The following ME3 variants were observed in gnomAD, a reference collection of about 807,000 sequenced individuals.
ME3 encodes the protein NADP-dependent malic enzyme, mitochondrial.
ME3 carries 48 observed loss-of-function variants against 68.9 expected under a neutral mutation model. That is an observed-to-expected ratio of 0.70 (90% CI 0.55 to 0.89). The LOEUF is 0.89. ME3 is among the 40% of genes least tolerant of loss of function. The pLI, the probability that ME3 is intolerant of heterozygous loss-of-function variation, is 0.00. For missense variants in ME3, 675 were observed against 797.4 expected (o/e 0.85, Z 1.85); for synonymous variants, 320 against 318.8 (o/e 1.00, Z -0.04).
intron 5 of ME3, among the ~76,000 whole-genome samples, chr11:86,502,458 A>C (rs1020347632): frequency 6.6e-6 from 1 of 152,210 alleles, no homozygotes; most frequent in Non-Finnish European, 1.5e-5. Flanking sequence ...TGTGATACAC[A>C]CTCACAAATG....
At chr11:86,447,015 A>G (rs2138603608) in intron 12 of ME3, 50 bp downstream of exon 12, 2 of 1,594,658 alleles carry the variant, frequency 1.3e-6, no homozygotes, top group African/African-American at 1.3e-5. Flanking sequence ...TACTCATTGT[A>G]ATTGTTACTA....
chr11:86,648,869 C>G (rs1466373518), intron 2 of ME3, among the ~76,000 whole-genome samples: 2 of 152,168 alleles, frequency 1.3e-5, no homozygotes, highest in Non-Finnish European at 2.9e-5. Context: ...GGCGGATTCA[C>G]AGCCAAATTC....
At chr11:86,511,256 A>G (rs947566177) in intron 4 of ME3, among the ~76,000 whole-genome samples, 1 of 152,212 alleles carries the variant, frequency 6.6e-6, no homozygotes, top group Non-Finnish European at 1.5e-5. Flanking sequence ...TGTGCTAAAA[A>G]TAGAATAAAG....
At chr11:86,466,761 G>A (rs1467199725) in intron 7 of ME3, among the ~76,000 whole-genome samples, 1 of 152,220 alleles carries the variant, frequency 6.6e-6, no homozygotes, top group Non-Finnish European at 1.5e-5. Context: ...TAGAAGGACT[G>A]GGAGATGGAT....
chr11:86,524,315 C>A (rs1954564365), intron 4 of ME3, among the ~76,000 whole-genome samples: 1 of 152,178 alleles, frequency 6.6e-6, no homozygotes, highest in Non-Finnish European at 1.5e-5. Flanking sequence ...GAGGCGCAGC[C>A]AATGAGTCAT....
intron 4 of ME3, among the ~76,000 whole-genome samples, chr11:86,513,780 AG>A (rs1420085204): frequency 3.3e-5 from 5 of 152,184 alleles, no homozygotes; most frequent in Non-Finnish European, 5.9e-5. Flanking sequence ...CTGCATCTAA[AG>A]CAGCTCAGAG....
chr11:86,435,645 C>A, the ME3 span: 3 of 152,242 alleles, frequency 2.0e-5, no homozygotes, highest in African/African-American at 7.2e-5. Context: ...GAAATAGACA[C>A]TGAATCTGAG....
rs563738961 is a variant in ME3, at chr11:86,617,045, G to GTTTTTTTTTTTT, written c.183+54705_183+54716dup. 3.4e-4 allele frequency among the ~76,000 whole-genome samples: 19 copies of GTTTTTTTTTTTT among 56,320 alleles called. 2 individuals are homozygous for GTTTTTTTTTTTT. The highest frequency in any genetic ancestry group is 1.4e-3 in the Admixed American group (4 of 2,886). The allele number at this position is 56,320 out of a possible 152,430, so 36.9% of individuals were successfully genotyped here. A position where few individuals can be genotyped will look rare whatever the true frequency, so the allele number is the denominator to read the frequency against. On this transcript the variant is annotated intron_variant, in intron 2 of 14. Coordinates refer to ENST00000543262, the Ensembl canonical transcript of ME3. ...ACATCTAAAATACTCCAAGATAGTA[G>GTTTTTTTTTTTT]TTTTTTTTTTTTTTTTTTTTTTTTT... is the stretch of plus-strand genomic sequence containing the variant.
At chr11:86,646,434 G>C (rs1945018925) in intron 2 of ME3, among the ~76,000 whole-genome samples, 1 of 152,156 alleles carries the variant, frequency 6.6e-6, no homozygotes, top group Non-Finnish European at 1.5e-5. Flanking sequence ...AATCAATCAA[G>C]TGGAATAAAG....
intron 2 of ME3, among the ~76,000 whole-genome samples, chr11:86,576,110 A>G (rs1958093177): frequency 6.6e-6 from 1 of 152,232 alleles, no homozygotes; most frequent in African/African-American, 2.4e-5. Context: ...AGATATGCCA[A>G]GTCTTCACCA....
At chr11:86,547,711 AAACAG>A (rs1956450120) in intron 4 of ME3, among the ~76,000 whole-genome samples, 1 of 152,224 alleles carries the variant, frequency 6.6e-6, no homozygotes, top group South Asian at 2.1e-4. Flanking sequence ...CAATGTGAGC[AAACAG>A]AACATTTAGT....
At chr11:86,664,244 T>C (rs1946457882) in intron 2 of ME3, among the ~76,000 whole-genome samples, 1 of 152,206 alleles carries the variant, frequency 6.6e-6, no homozygotes, top group South Asian at 2.1e-4. Context: ...TCCCATAATC[T>C]CACTGACATA....
At chr11:86,656,849 A>C (rs1945918160) in intron 2 of ME3, among the ~76,000 whole-genome samples, 1 of 126,292 alleles carries the variant, frequency 7.9e-6, no homozygotes, top group African/African-American at 2.6e-5. Flanking sequence ...TGCGGCTGAT[A>C]AACATATGAA....
chr11:86,550,054 G>C (rs1340134502), intron 4 of ME3, among the ~76,000 whole-genome samples: 1 of 152,164 alleles, frequency 6.6e-6, no homozygotes, highest in African/African-American at 2.4e-5. Context: ...AGCCCTGGCT[G>C]CCCATTAGAG....
At chr11:86,592,345 G>T (rs1335001384) in intron 2 of ME3, among the ~76,000 whole-genome samples, 1 of 152,154 alleles carries the variant, frequency 6.6e-6, no homozygotes, top group African/African-American at 2.4e-5. Flanking sequence ...AGTTTCTTAG[G>T]CCTTGAGGGG....
intron 4 of ME3, among the ~76,000 whole-genome samples, chr11:86,548,350 G>C (rs543258925): frequency 3.3e-5 from 5 of 152,178 alleles, no homozygotes; most frequent in Admixed American, 1.3e-4. Context: ...CTTACTCCAT[G>C]TGACATTCAT....
At chr11:86,484,525 C>A (rs940143306) in intron 7 of ME3, among the ~76,000 whole-genome samples, 1 of 152,212 alleles carries the variant, frequency 6.6e-6, no homozygotes, top group Non-Finnish European at 1.5e-5. Context: ...ATCCCGCCCC[C>A]CGCTCCCGGA....
intron 2 of ME3, among the ~76,000 whole-genome samples, chr11:86,567,796 C>T (rs1957566763): frequency 6.6e-6 from 1 of 152,232 alleles, no homozygotes. Flanking sequence ...ACTGTAGTTG[C>T]ACCACGGCCT....
intron 2 of ME3, among the ~76,000 whole-genome samples, chr11:86,588,059 G>A (rs527246113): frequency 5.6e-4 from 86 of 152,288 alleles, no homozygotes; most frequent in African/African-American, 2.0e-3. Flanking sequence ...AGTCCTTTGT[G>A]TATTTATGCA....
Sources: allele counts gnomAD v4.1 joint callset (sites outside exome capture counted in the v4.1 genomes callset), GRCh38; gene constraint gnomAD v4.1.1; transcripts MANE v1.5; gene names NCBI Gene and HGNC (gene_info 2026-07-23, HGNC 2026-07-21).